Variants in THSD7B observed in about 807,000 individuals in gnomAD.
THSD7B encodes the protein thrombospondin type 1 domain containing 7B, also known as thrombospondin type-1 domain-containing protein 7B.
In THSD7B, 138 loss-of-function variants were observed where a neutral mutation model predicts 213.6. The observed-to-expected ratio is 0.65, with a 90% CI of 0.56 to 0.74. The LOEUF is 0.74. Ranked by LOEUF, THSD7B falls within the 30% of genes least tolerant of loss-of-function variation. The pLI, the probability that THSD7B is intolerant of heterozygous loss-of-function variation, is 0.00. For synonymous variants in THSD7B, 742 were observed against 687.0 expected (o/e 1.08, Z -1.25); for missense variants, 1,931 against 1,991.5 (o/e 0.97, Z 0.58).
At chr2:137,521,381 A>G (rs1680181096) in intron 15 of THSD7B, among the ~76,000 whole-genome samples, 1 of 152,090 alleles carries the variant, frequency 6.6e-6, no homozygotes, top group African/African-American at 2.4e-5. Context: ...CATTAAATGA[A>G]GCTTGTACAC....
At chr2:137,037,754 T>C (rs921885820) in intron 2 of THSD7B, among the ~76,000 whole-genome samples, 9 of 152,174 alleles carry the variant, frequency 5.9e-5, no homozygotes, top group Non-Finnish European at 1.3e-4. Context: ...TTTTCAACTG[T>C]GTGATAAAGT....
chr2:136,959,090 C>T (rs1161520983), intron 2 of THSD7B, among the ~76,000 whole-genome samples: 8 of 152,160 alleles, frequency 5.3e-5, no homozygotes, highest in African/African-American at 1.4e-4. Flanking sequence ...ACAAGTGTAT[C>T]GCAGACAAAG....
intron 2 of THSD7B, among the ~76,000 whole-genome samples, chr2:136,885,777 T>C (rs547629999): frequency 1.3e-5 from 2 of 152,170 alleles, no homozygotes; most frequent in Admixed American, 1.3e-4. Context: ...TGATTGAGAA[T>C]AAAATAGGCA....
At position 137,546,395 on chromosome 2, in the gene THSD7B, TTATATATATTA is replaced by T. The variant is rs1326190559; in HGVS notation, c.3139-16807_3139-16797del. ...ATATATAATATATATATTATATATA[TTATATATATTA>T]TATATATATTATATATATTATATAT... On this transcript the variant is annotated intron_variant, in intron 15 of 27. Transcript: ENST00000409968. 6.1e-3 allele frequency among the ~76,000 whole-genome samples: 202 copies of T among 33,280 alleles called. 16 individuals carry two copies. Among genetic ancestry groups the T allele is most frequent in the Admixed American group, 0.01 (20 of 1,986 alleles). The allele number at this position is 33,280 out of a possible 152,430, so 21.8% of individuals were successfully genotyped here.
intron 21 of THSD7B, among the ~76,000 whole-genome samples, chr2:137,655,216 T>C (rs1045943861): frequency 6.6e-6 from 1 of 152,194 alleles, no homozygotes; most frequent in Non-Finnish European, 1.5e-5. Flanking sequence ...ACAAATTATG[T>C]ATTGTTTTCT....
intron 1 of THSD7B, among the ~76,000 whole-genome samples, chr2:136,841,472 C>T (rs13026709): frequency 0.14 from 20,957 of 150,980 alleles, 2,174 homozygotes; most frequent in Non-Finnish European, 0.22. Context: ...TGGTGTGCAC[C>T]TACAGTCCCA....
intron 5 of THSD7B, among the ~76,000 whole-genome samples, chr2:137,125,009 T>C (rs537631645): frequency 6.6e-6 from 1 of 152,220 alleles, no homozygotes; most frequent in Non-Finnish European, 1.5e-5. Context: ...TTTTGACTTT[T>C]GATGGACTTT....
intron 15 of THSD7B, among the ~76,000 whole-genome samples, chr2:137,535,420 G>A (rs1262698247): frequency 1.3e-5 from 2 of 151,646 alleles, no homozygotes; most frequent in Admixed American, 6.6e-5. Flanking sequence ...AATGGAATTC[G>A]AACACCTATA....
At chr2:136,821,100 T>C (rs931924345) in intron 1 of THSD7B, among the ~76,000 whole-genome samples, 1 of 152,196 alleles carries the variant, frequency 6.6e-6, no homozygotes, top group Non-Finnish European at 1.5e-5. Flanking sequence ...TCTTGCAACC[T>C]TTCTGTGAGT....
chr2:137,659,672 T>A lies in THSD7B; in HGVS notation c.4384T>A (p.Ser1462Thr), dbSNP rs532081043. Residue 1462 changes from serine to threonine, a missense_variant, in exon 25 of 28, where the codon TCC becomes ACC. Physicochemically the swap from Ser to Thr is moderately conservative, Grantham distance 58. Coordinates refer to ENST00000409968, the MANE Select transcript of THSD7B (RefSeq NM_001316349.2). ...SDGVNVTGGC[S>T]PQARPAAIRQ... ...TGGAATTTCCTTTGCAGGAGGCTGCTCCCCTCAGGCCCGTCCTGCTGCCAT... is the reference window on the plus strand; with the variant it reads ...TGGAATTTCCTTTGCAGGAGGCTGCACCCCTCAGGCCCGTCCTGCTGCCAT... The A allele has an allele frequency of 3.1e-6, 5 of 1,599,536 alleles. No individual in the cohort carries two copies. The highest frequency in any genetic ancestry group is 1.7e-5 in the Admixed American group (1 of 58,074).
chr2:137,044,996 C>G (rs982767245), intron 2 of THSD7B, among the ~76,000 whole-genome samples: 2 of 152,208 alleles, frequency 1.3e-5, no homozygotes, highest in Admixed American at 1.3e-4. Context: ...CAACATGTTT[C>G]TCTTCCTGTC....
rs1688012736 is a variant in THSD7B at position 137,094,921 on chromosome 2, G to A, written c.999G>A (p.Met333Ile). ...SFPLTVQSCI[M>I]PKDCETSQWS... is the part of the protein sequence containing the mutation. ...CATTGACTGTTCAGTCCTGCATCATGCCCAAAGACTGTGAAACCTCCCAGT... is the reference window on the plus strand; with the variant it reads ...CATTGACTGTTCAGTCCTGCATCATACCCAAAGACTGTGAAACCTCCCAGT... Residue 333 changes from methionine to isoleucine, a missense_variant, in exon 4 of 28, where the codon ATG becomes ATA. Met to Ile is a conservative substitution (Grantham distance 10, BLOSUM62 1). Coordinates refer to ENST00000409968, the MANE Select transcript of THSD7B (RefSeq NM_001316349.2). 2 of 1,613,682 alleles carry A rather than the reference G, an allele frequency of 1.2e-6. No individual in the cohort carries two copies. The highest frequency in any genetic ancestry group is 2.2e-5 in the South Asian group (2 of 91,066).
intron 1 of THSD7B, among the ~76,000 whole-genome samples, chr2:136,797,212 C>T (rs889317427): frequency 6.6e-6 from 1 of 151,898 alleles, no homozygotes; most frequent in Non-Finnish European, 1.5e-5. Context: ...GAGAAATTAT[C>T]ATAATTATTC....
At chr2:136,865,968 T>C (rs1172480676) in intron 1 of THSD7B, among the ~76,000 whole-genome samples, 1 of 152,130 alleles carries the variant, frequency 6.6e-6, no homozygotes, top group Non-Finnish European at 1.5e-5. Context: ...GAGTGACAAA[T>C]GACCTGTAAG....
chr2:136,973,518 G>T (rs2565217), intron 2 of THSD7B, among the ~76,000 whole-genome samples: 148,787 of 152,290 alleles, frequency 0.98, 72,784 homozygotes, highest in Middle Eastern at 1. Flanking sequence ...GAAGCAAAAT[G>T]GATCATTTTC....
intron 15 of THSD7B, among the ~76,000 whole-genome samples, chr2:137,483,746 G>C (rs895097204): frequency 5.3e-5 from 8 of 152,186 alleles, no homozygotes; most frequent in African/African-American, 1.7e-4. Flanking sequence ...TTCTGGGCAG[G>C]AGAAAGTACA....
chr2:137,359,632 T>G (rs1281225301), intron 12 of THSD7B, among the ~76,000 whole-genome samples: 1 of 152,142 alleles, frequency 6.6e-6, no homozygotes, highest in East Asian at 1.9e-4. Context: ...CTGACCCACA[T>G]TTTAAAACAG....
intron 21 of THSD7B, among the ~76,000 whole-genome samples, chr2:137,652,437 A>C (rs1349672970): frequency 6.6e-6 from 1 of 151,844 alleles, no homozygotes; most frequent in Admixed American, 6.6e-5. Flanking sequence ...AATGTCTTTC[A>C]CTATATGTGT....
At chr2:137,248,265 C>A (rs1346555780) in intron 10 of THSD7B, among the ~76,000 whole-genome samples, 1 of 152,106 alleles carries the variant, frequency 6.6e-6, no homozygotes. Flanking sequence ...TTATTAAGTC[C>A]TCTACATGCT....
Sources: allele counts gnomAD v4.1 joint callset (sites outside exome capture counted in the v4.1 genomes callset), GRCh38; gene constraint gnomAD v4.1.1; transcripts MANE v1.5; gene names NCBI Gene and HGNC (gene_info 2026-07-23, HGNC 2026-07-21).